Variants in RIMS1 observed in about 807,000 individuals in gnomAD.
The protein encoded by RIMS1 is regulating synaptic membrane exocytosis protein 1.
In RIMS1, 83 loss-of-function variants were observed where a neutral mutation model predicts 214.1. That is an observed-to-expected ratio of 0.39 (90% CI 0.32 to 0.47). The LOEUF is 0.47. Among genes scored for constraint, RIMS1 ranks in the 20% least tolerant of loss-of-function variants. The probability of loss-of-function intolerance (pLI) is 0.99; values close to 1 mark genes in which losing one functional copy is unlikely to be tolerated. For missense variants in RIMS1, 2,050 were observed against 2,161.8 expected (o/e 0.95, Z 1.03); for synonymous variants, 793 against 786.8 (o/e 1.01, Z -0.13).
At chr6:71,929,026 G>A (rs539797929) in intron 1 of RIMS1, among the ~76,000 whole-genome samples, 1 of 152,086 alleles carries the variant, frequency 6.6e-6, no homozygotes, top group East Asian at 1.9e-4. Context: ...AGACTGAAAG[G>A]CTTCATTTTC....
At chr6:71,912,272 T>C (rs1053585074) in intron 1 of RIMS1, among the ~76,000 whole-genome samples, 1 of 152,126 alleles carries the variant, frequency 6.6e-6, no homozygotes, top group East Asian at 1.9e-4. Flanking sequence ...ATTTTTGAGT[T>C]AGTCATAATT....
Position 71,886,867 on chromosome 6 carries a change from TCTG to T in RIMS1, c.-140_-138del, listed in dbSNP as rs755283556. The T allele has an allele frequency of 2.1e-3, 1,508 of 714,168 alleles. No individual in the cohort carries two copies. The highest frequency in any genetic ancestry group is 3.2e-3 in the Middle Eastern group (9 of 2,846). The allele number at this position is 714,168 out of a possible 1,614,324, so 44.2% of individuals were successfully genotyped here. ...AGACTGGGTTCTCGCTCTCCCCGGC[TCTG>T]CTGCTGCTGCTGCTGCCGCCGCCGC... On this transcript the variant is annotated 5_prime_UTR_variant, in exon 1 of 34. Transcript: ENST00000521978.
At chr6:72,114,219 T>C (rs964961731) in intron 4 of RIMS1, among the ~76,000 whole-genome samples, 3 of 152,058 alleles carry the variant, frequency 2.0e-5, no homozygotes, top group Admixed American at 6.6e-5. Context: ...ACTTTTATAA[T>C]TTGTTTTTAA....
At chr6:72,015,441 AT>A (rs1562118698) in intron 2 of RIMS1, among the ~76,000 whole-genome samples, 3 of 152,130 alleles carry the variant, frequency 2.0e-5, no homozygotes, top group Non-Finnish European at 4.4e-5. Flanking sequence ...CCTGCTTAGA[AT>A]TTTCTATATA....
chr6:72,077,630 T>C (rs1190085403), intron 2 of RIMS1, among the ~76,000 whole-genome samples: 1 of 152,170 alleles, frequency 6.6e-6, no homozygotes, highest in Non-Finnish European at 1.5e-5. Flanking sequence ...CAAAACACAC[T>C]CCTCTGAAAG....
At chr6:72,198,843 G>T (rs1042065152) in intron 6 of RIMS1, among the ~76,000 whole-genome samples, 1 of 151,728 alleles carries the variant, frequency 6.6e-6, no homozygotes, top group Non-Finnish European at 1.5e-5. Flanking sequence ...TTTTGAAACC[G>T]CAATTCTGTA....
At chr6:72,032,819 A>G (rs1200917271) in intron 2 of RIMS1, among the ~76,000 whole-genome samples, 2 of 152,206 alleles carry the variant, frequency 1.3e-5, no homozygotes, top group Non-Finnish European at 2.9e-5. Flanking sequence ...TATGAGTGGC[A>G]TAACTCCTAT....
intron 29 of RIMS1, among the ~76,000 whole-genome samples, chr6:72,388,842 G>T (rs1478662590): frequency 6.6e-6 from 1 of 152,188 alleles, no homozygotes; most frequent in East Asian, 1.9e-4. Context: ...GTGGGAGGTG[G>T]TAGTGTGGTG....
At chr6:72,379,540 G>A (rs564751569) in intron 29 of RIMS1, among the ~76,000 whole-genome samples, 1 of 152,336 alleles carries the variant, frequency 6.6e-6, no homozygotes, top group East Asian at 1.9e-4. Context: ...GTGAGGCCCG[G>A]AAAGAACATG....
chr6:71,910,915 A>G (rs1428630176), intron 1 of RIMS1, among the ~76,000 whole-genome samples: 6 of 152,172 alleles, frequency 3.9e-5, no homozygotes, highest in African/African-American at 4.8e-5. Flanking sequence ...GAGATGATCA[A>G]TCTGGCTCCA....
At chr6:72,154,144 T>C (rs968475547) in intron 4 of RIMS1, among the ~76,000 whole-genome samples, 3 of 142,722 alleles carry the variant, frequency 2.1e-5, no homozygotes, top group African/African-American at 4.9e-5. Context: ...AATAGCTGTA[T>C]ATGAAATAGC....
chr6:72,207,018 G>A (rs1364471207), intron 6 of RIMS1, among the ~76,000 whole-genome samples: 1 of 152,132 alleles, frequency 6.6e-6, no homozygotes, highest in Non-Finnish European at 1.5e-5. Flanking sequence ...TTGACACAAA[G>A]TTCATAAATA....
At chr6:71,930,255 CTAAT>C (rs1782662047) in intron 1 of RIMS1, among the ~76,000 whole-genome samples, 1 of 151,938 alleles carries the variant, frequency 6.6e-6, no homozygotes, top group Non-Finnish European at 1.5e-5. Context: ...AAGAAAAGCT[CTAAT>C]TAACATTTAG....
intron 6 of RIMS1, chr6:72,217,321 T>C (rs539110942): frequency 1.6e-6 from 2 of 1,285,194 alleles, no homozygotes; most frequent in East Asian, 2.6e-5. Context: ...AAGAGTAAGA[T>C]ACTAAAATGT....
Position 72,274,389 on chromosome 6 carries a change from A to T in RIMS1, c.3439A>T (p.Ser1147Cys). 6.2e-7 allele frequency: 1 copy of T among 1,613,336 alleles called. No homozygotes were observed. The highest frequency in any genetic ancestry group is 8.5e-7 in the Non-Finnish European group (1 of 1,179,474). ...SPSLDRRRPP[S>C]PRIQIQHASP... ...CTCCCTAGATAGGAGACGACCTCCT[A>T]GTCCCAGGATTCAAATCCAGCATGC... Residue 1147 changes from serine (S) to cysteine (C), a missense_variant, in exon 23 of 34, where the codon AGT becomes TGT. Coordinates refer to ENST00000521978, the MANE Select transcript of RIMS1 (RefSeq NM_014989.7).
chr6:72,331,060 T>C (rs1212081852), intron 28 of RIMS1, among the ~76,000 whole-genome samples: 1 of 151,772 alleles, frequency 6.6e-6, no homozygotes, highest in Admixed American at 6.6e-5. Flanking sequence ...GAACTTTTAT[T>C]TGTCAAAATT....
At chr6:72,385,712 G>C (rs939284529) in intron 29 of RIMS1, among the ~76,000 whole-genome samples, 1 of 152,216 alleles carries the variant, frequency 6.6e-6, no homozygotes. Flanking sequence ...ACTGGACCCA[G>C]AGTAAGGGCC....
intron 2 of RIMS1, among the ~76,000 whole-genome samples, chr6:72,088,637 G>A (rs971076142): frequency 6.6e-6 from 1 of 152,068 alleles, no homozygotes; most frequent in Non-Finnish European, 1.5e-5. Flanking sequence ...TCAAACTTAT[G>A]TTTTATCCTT....
At chr6:72,179,471 T>C (rs745753691) in intron 4 of RIMS1, 104 bp from the exon 5 acceptor site, 1 of 1,014,656 alleles carries the variant, frequency 9.9e-7, no homozygotes. Flanking sequence ...AGGATAAATA[T>C]GAAAATGAAT....
Sources: allele counts gnomAD v4.1 joint callset (sites outside exome capture counted in the v4.1 genomes callset), GRCh38; gene constraint gnomAD v4.1.1; transcripts MANE v1.5; gene names NCBI Gene and HGNC (gene_info 2026-07-23, HGNC 2026-07-21).